FBXL20: variants seen among roughly 807,000 people sequenced by gnomAD.
The protein encoded by FBXL20 is F-box and leucine rich repeat protein 20.
FBXL20 carries 11 observed loss-of-function variants against 64.0 expected under a neutral mutation model. That is an observed-to-expected ratio of 0.17 (90% confidence interval 0.11 to 0.28). The LOEUF is 0.28. FBXL20 is among the 10% of genes least tolerant of loss of function. FBXL20 has a pLI of 1.00. For missense variants in FBXL20, 303 were observed against 526.2 expected (o/e 0.58, Z 4.15); for synonymous variants, 184 against 189.0 (o/e 0.97, Z 0.22).
chr17:39,303,750 A>C (rs2047158082), intron 2 of FBXL20, 111 bp from the exon 3 acceptor site: 1 of 908,976 alleles, frequency 1.1e-6, no homozygotes, highest in South Asian at 1.7e-5. Context: ...GCAGTGGCAT[A>C]ATCACTGCTC....
chr17:39,310,992 T>TA lies in FBXL20; in HGVS notation c.105-7354dup, dbSNP rs542396558. ...CAAAGTGAGACTCTCTCTCAAAAAT[T>TA]AAAAAAAAAACACACAAAAAATCAG... On this transcript the variant is annotated intron_variant, in intron 2 of 14. Coordinates refer to ENST00000264658, the MANE Select transcript of FBXL20 (RefSeq NM_032875.3). 7.7e-3 allele frequency among the ~76,000 whole-genome samples: 1,122 copies of TA among 145,220 alleles called. 8 individuals are homozygous for TA. The highest frequency in any genetic ancestry group is 0.013 in the South Asian group (61 of 4,544).
intron 1 of FBXL20, among the ~76,000 whole-genome samples, chr17:39,398,970 G>T (rs1457189169): frequency 1.3e-5 from 2 of 152,106 alleles, no homozygotes; most frequent in African/African-American, 4.8e-5. Context: ...ACCTCGCCCG[G>T]CCCCTTGGTT....
intron 6 of FBXL20, among the ~76,000 whole-genome samples, chr17:39,296,648 C>T (rs771671299): frequency 1.4e-4 from 22 of 151,734 alleles, no homozygotes; most frequent in Admixed American, 2.6e-4. Flanking sequence ...GACTGTAAGC[C>T]TCTTGAGGAT....
Position 39,282,834 on chromosome 17 carries a change from C to T in FBXL20, c.516G>A (p.Glu172=), listed in dbSNP as rs1177395041. Residue 172 remains glutamate, a synonymous_variant, in exon 8 of 15, where the codon GAG becomes GAA. Transcript: ENST00000264658. ...GGTCACACCAGGAAATGTTCAACTG[C>T]TCCAACAGTGGACATCCCTCACTTA... ...KALSEGCPLL[E]QLNISWCDQV... The T allele has an allele frequency of 1.9e-6, 3 of 1,614,104 alleles. No individual in the cohort carries two copies. Among genetic ancestry groups the T allele is most frequent in the Non-Finnish European group, 2.5e-6 (3 of 1,180,014 alleles).
intron 1 of FBXL20, among the ~76,000 whole-genome samples, chr17:39,392,197 T>C (rs2048140517): frequency 6.6e-6 from 1 of 152,020 alleles, no homozygotes; most frequent in Non-Finnish European, 1.5e-5. Context: ...CCCAGCACTT[T>C]GGGAGGCCAA....
At chr17:39,332,610 C>G (rs1401719867) in intron 2 of FBXL20, among the ~76,000 whole-genome samples, 2 of 143,100 alleles carry the variant, frequency 1.4e-5, no homozygotes, top group Non-Finnish European at 3.0e-5. Flanking sequence ...GACGTGATCT[C>G]GGCTCACTGC....
chr17:39,333,445 T>C (rs2047484835), intron 2 of FBXL20, among the ~76,000 whole-genome samples: 1 of 152,332 alleles, frequency 6.6e-6, no homozygotes, highest in Middle Eastern at 3.4e-3. Context: ...GCTCATTCAG[T>C]GCTCAATGTT....
intron 2 of FBXL20, among the ~76,000 whole-genome samples, chr17:39,310,284 T>C (rs1038234988): frequency 2.6e-5 from 4 of 152,036 alleles, no homozygotes; most frequent in African/African-American, 9.7e-5. Flanking sequence ...AGTTTGCCGA[T>C]GTCACAGCTA....
At chr17:39,317,149 G>C (rs187850174) in intron 2 of FBXL20, among the ~76,000 whole-genome samples, 1 of 151,966 alleles carries the variant, frequency 6.6e-6, no homozygotes, top group South Asian at 2.1e-4. Context: ...TTTGCTTAAC[G>C]AAAAAAATTG....
chr17:39,340,831 A>G (rs1254075916), intron 2 of FBXL20, among the ~76,000 whole-genome samples: 1 of 152,048 alleles, frequency 6.6e-6, no homozygotes, highest in Non-Finnish European at 1.5e-5. Flanking sequence ...ATTTTGAACC[A>G]TTACTTAAAA....
At chr17:39,334,928 A>G (rs2047505766) in intron 2 of FBXL20, among the ~76,000 whole-genome samples, 1 of 152,200 alleles carries the variant, frequency 6.6e-6, no homozygotes, top group African/African-American at 2.4e-5. Context: ...TTGGAACAGA[A>G]ATTAAAAGAA....
intron 1 of FBXL20, among the ~76,000 whole-genome samples, chr17:39,370,771 G>A (rs952089356): frequency 4.0e-5 from 6 of 150,260 alleles, no homozygotes; most frequent in African/African-American, 9.8e-5. Flanking sequence ...CTCCAGCCTG[G>A]GCGACAGAGC....
intron 1 of FBXL20, among the ~76,000 whole-genome samples, chr17:39,348,649 A>C (rs983355862): frequency 1.3e-5 from 2 of 152,140 alleles, no homozygotes; most frequent in Non-Finnish European, 2.9e-5. Context: ...CACTATGGTC[A>C]TCATTCTCCA....
intron 2 of FBXL20, among the ~76,000 whole-genome samples, chr17:39,308,990 C>T (rs1038702793): frequency 6.6e-6 from 1 of 152,184 alleles, no homozygotes. Flanking sequence ...TGCCACCACG[C>T]CTGACTAATT....
chr17:39,322,096 C>T (rs1449880703), intron 2 of FBXL20, among the ~76,000 whole-genome samples: 1 of 133,162 alleles, frequency 7.5e-6, no homozygotes, highest in Non-Finnish European at 1.5e-5. Context: ...AAGGCCAAGG[C>T]AGGAGGATCA....
intron 2 of FBXL20, among the ~76,000 whole-genome samples, chr17:39,327,771 G>A (rs2047422569): frequency 6.6e-6 from 1 of 152,028 alleles, no homozygotes; most frequent in Admixed American, 6.6e-5. Context: ...CACAATCTCG[G>A]CTCACTGCAA....
At chr17:39,350,097 A>G (rs532061491) in intron 1 of FBXL20, among the ~76,000 whole-genome samples, 178 of 152,366 alleles carry the variant, frequency 1.2e-3, no homozygotes, top group Admixed American at 2.5e-3. Flanking sequence ...ATTAAATGCC[A>G]CATCTCACCT....
chr17:39,362,624 T>TC (rs1294874903), intron 1 of FBXL20, among the ~76,000 whole-genome samples: 3 of 133,992 alleles, frequency 2.2e-5, no homozygotes, highest in African/African-American at 8.5e-5. Context: ...CACCCGGCTT[T>TC]TTTTTTTTTT....
intron 2 of FBXL20, among the ~76,000 whole-genome samples, chr17:39,339,483 T>A (rs952646070): frequency 1.3e-5 from 2 of 152,128 alleles, no homozygotes; most frequent in African/African-American, 4.8e-5. Context: ...CAGGAAATCC[T>A]GCTGTATTTC....
Sources: allele counts gnomAD v4.1 joint callset (sites outside exome capture counted in the v4.1 genomes callset), GRCh38; gene constraint gnomAD v4.1.1; transcripts MANE v1.5; gene names NCBI Gene and HGNC (gene_info 2026-07-23, HGNC 2026-07-21).